ITFG2: variants seen among roughly 807,000 people sequenced by gnomAD.
The protein encoded by ITFG2 is integrin alpha FG-GAP repeat containing 2, also known as KICSTOR complex protein ITFG2.
Under a neutral mutation model 54.4 loss-of-function variants are expected in ITFG2, and 36 were observed. The ratio of observed to expected loss-of-function variants is 0.66; its 90% CI spans 0.51 to 0.87. ITFG2 has a LOEUF of 0.87. ITFG2 is among the 40% of genes least tolerant of loss of function. ITFG2 has a pLI of 0.00. For synonymous variants in ITFG2, 211 were observed against 225.4 expected (o/e 0.94, Z 0.57); for missense variants, 524 against 576.7 (o/e 0.91, Z 0.94).
chr12:2,848,657 C>G lies in ITFG2; in HGVS notation n.300+7662C>G, dbSNP rs540382237. On this transcript the variant is annotated intron_variant and non_coding_transcript_variant, in intron 2 of 3. Coordinates refer to the ITFG2 transcript ENST00000537710. ...GACCTGACCTCTCCTCCTCCAAACCCTGCATGGGGCCCTGCAACCAAGCAC... is the reference window on the plus strand; with the variant it reads ...GACCTGACCTCTCCTCCTCCAAACCGTGCATGGGGCCCTGCAACCAAGCAC... Among the ~76,000 whole-genome samples the G allele has an allele frequency of 8.5e-5, 13 of 152,280 alleles. No homozygotes were observed. The South Asian group carries it at 2.7e-3, about 32-fold the overall frequency.
intron 6 of ITFG2, 88 bp downstream of exon 6, chr12:2,820,960 C>A: frequency 7.1e-7 from 1 of 1,409,596 alleles, no homozygotes; most frequent in Non-Finnish European, 9.8e-7. Context: ...AATGGGTCTG[C>A]AGTTGGCAGA....
At chr12:2,815,316 G>A (rs906430045) in intron 1 of ITFG2, among the ~76,000 whole-genome samples, 2 of 152,238 alleles carry the variant, frequency 1.3e-5, no homozygotes, top group Non-Finnish European at 2.9e-5. Context: ...AAAGCAGTTT[G>A]CGGAAGTGGG....
chr12:2,815,803 A>T (rs1025664567), intron 1 of ITFG2, among the ~76,000 whole-genome samples: 2 of 152,078 alleles, frequency 1.3e-5, no homozygotes, highest in African/African-American at 4.8e-5. Flanking sequence ...GCCCCCTAAC[A>T]CACACACCCC....
chr12:2,841,497 G>A (rs570927367), intron 2 of ITFG2, among the ~76,000 whole-genome samples: 1 of 152,158 alleles, frequency 6.6e-6, no homozygotes, highest in Admixed American at 6.6e-5. Context: ...ACCACACCTT[G>A]CATTTACCAC....
At chr12:2,830,599 CCCTT>C in intron 2 of ITFG2, 1 of 1,196,768 alleles carries the variant, frequency 8.4e-7, no homozygotes. Context: ...GAGAGAGGTG[CCCTT>C]TCTCCCTCCC....
chr12:2,812,845 G>C lies in ITFG2; in HGVS notation c.85G>C (p.Asp29His), dbSNP rs987473725. 4 of 1,611,944 alleles carry C rather than the reference G, an allele frequency of 2.5e-6. No homozygotes were observed. The highest frequency in any genetic ancestry group is 3.4e-6 in the Non-Finnish European group (4 of 1,178,702). The change falls in exon 1 of 12, where the codon GAT becomes CAT. Residue 29 changes from aspartate to histidine, a missense_variant. Transcript: ENST00000228799. ...GCACGCAATCTGCCTCGGAGACGTT[G>C]ATAACGATACGGTAGGTGCATGCGC... ...FPHAICLGDV[D>H]NDTLNELVVG...
Position 2,821,714 on chromosome 12 carries a change from A to C in ITFG2, c.870A>C (p.Glu290Asp). Residue 290 changes from glutamate (E) to aspartate (D), a missense_variant, in exon 9 of 12, where the codon GAA becomes GAC. Coordinates refer to ENST00000228799, the MANE Select transcript of ITFG2 (RefSeq NM_018463.4). ...CAGGGACACTGAAGCTCATGGAAGA[A>C]ATGGAAGAAGCAGACAAGCTGCTGT... Reference protein sequence around the residue: ...TLDGTLKLMEEMEEADKLLWS... With the variant: ...TLDGTLKLMEDMEEADKLLWS... 1 of 1,614,122 alleles carries C rather than the reference A, an allele frequency of 6.2e-7. No homozygotes were observed. Among genetic ancestry groups the C allele is most frequent in the Middle Eastern group, 1.6e-4 (1 of 6,062 alleles).
chr12:2,828,364 A>G (rs1256389410), downstream of ITFG2: 2 of 1,613,958 alleles, frequency 1.2e-6, no homozygotes, highest in African/African-American at 1.3e-5. Flanking sequence ...CAGAGATCCG[A>G]TTGTATTGGG....
chr12:2,840,636 CTT>C (rs2153927097), intron 1 of ITFG2, among the ~76,000 whole-genome samples: 1 of 150,818 alleles, frequency 6.6e-6, no homozygotes, highest in South Asian at 2.1e-4. Flanking sequence ...AATACAAAAA[CTT>C]AGCCGGGCGA....
chr12:2,827,514 C>G, downstream of ITFG2: 1 of 1,575,004 alleles, frequency 6.3e-7, no homozygotes, highest in Non-Finnish European at 8.6e-7. The surrounding 1 kb of genome is among the most constrained non-coding windows in gnomAD (Gnocchi z 4.0). Flanking sequence ...AGCAAAGGGA[C>G]AGTTGCCCAT....
chr12:2,835,519 A>T (rs1339659835), upstream of ITFG2: 1 of 152,734 alleles, frequency 6.5e-6, no homozygotes, highest in Admixed American at 6.5e-5. Flanking sequence ...CGCCTAGCAG[A>T]TGTCAGAGTC....
intron 2 of ITFG2, among the ~76,000 whole-genome samples, chr12:2,850,507 G>A (rs895980560): frequency 6.0e-5 from 9 of 150,794 alleles, no homozygotes; most frequent in African/African-American, 2.2e-4. Context: ...GGGGCCCCAG[G>A]TCATGATAAT....
rs775484394 is a variant in ITFG2, at chr12:2,830,782, C to T, written c.*60-52C>T. The T allele has an allele frequency of 1.5e-5, 24 of 1,613,790 alleles. No homozygotes were observed. Among genetic ancestry groups the T allele is most frequent in the Non-Finnish European group, 2.0e-5 (24 of 1,179,912 alleles). ...CTGCTCTCCTGGCCATGAATCAGGT[C>T]CTGCATCCGGGGAGGCTCCCCCTGA... On this transcript the variant is annotated intron_variant and NMD_transcript_variant, in intron 2 of 2. Transcript: ENST00000538822.
chr12:2,851,241 G>A (rs1234665504), intron 2 of ITFG2, among the ~76,000 whole-genome samples: 2 of 152,082 alleles, frequency 1.3e-5, no homozygotes, highest in African/African-American at 4.8e-5. Context: ...GTTGCTCTGG[G>A]TGAGTGAGTG....
chr12:2,817,773 T>C, intron 2 of ITFG2, 136 bp from the exon 3 acceptor site: 1 of 794,044 alleles, frequency 1.3e-6, no homozygotes. Flanking sequence ...ATAAAGACCA[T>C]CACCATGGTT....
chr12:2,830,838 C>G (rs2153926128), exon 3 of ITFG2: 1 of 1,613,704 alleles, frequency 6.2e-7, no homozygotes, highest in Non-Finnish European at 8.5e-7. Flanking sequence ...CACCAGGCGT[C>G]TTTGGATCAC....
Position 2,849,505 on chromosome 12 carries a change from C to A in ITFG2, n.301-8507C>A, listed in dbSNP as rs530630805. ...GAGGCCCTGGGGTTCAAACCTCCCACCAGCGGATATGTGCCGGTACCTGTT... is the reference window on the plus strand; with the variant it reads ...GAGGCCCTGGGGTTCAAACCTCCCAACAGCGGATATGTGCCGGTACCTGTT... On this transcript the variant is annotated intron_variant and non_coding_transcript_variant, in intron 2 of 3. Coordinates refer to the ITFG2 transcript ENST00000537710. 3 of 1,536,104 alleles carry A rather than the reference C, an allele frequency of 2.0e-6. No homozygotes were observed. The South Asian group carries it at 3.6e-5, about 18-fold the overall frequency.
At chr12:2,828,276 C>T (rs536569192), downstream of ITFG2, 520 of 1,462,042 alleles carry the variant, frequency 3.6e-4, 6 homozygotes, top group South Asian at 2.1e-3. Context: ...AGAATATTTT[C>T]ATCACCCCAA....
Position 2,820,106 on chromosome 12 carries a change from C to G in ITFG2, c.427C>G (p.Leu143Val). The change falls in exon 5 of 12, where the codon CTG (leucine) becomes GTG (valine). Residue 143 changes from leucine (L) to valine (V), a missense_variant. Transcript: ENST00000228799. The stretch of plus-strand genomic sequence containing the variant: ...CACAGATGGAGATGGGTGTCGTGAG[C>G]TGGTGGTGGGCTACACAGACCGTGT... ...SDIDGDGCRE[L>V]VVGYTDRVVR... 1.2e-6 allele frequency: 2 copies of G among 1,611,566 alleles called. No homozygotes were observed. Among genetic ancestry groups the G allele is most frequent in the Middle Eastern group, 1.7e-4 (1 of 6,042 alleles).
Sources: allele counts gnomAD v4.1 joint callset (sites outside exome capture counted in the v4.1 genomes callset), GRCh38; gene constraint gnomAD v4.1.1; non-coding constraint Gnocchi (gnomAD v3.1); transcripts MANE v1.5; gene names NCBI Gene and HGNC (gene_info 2026-07-23, HGNC 2026-07-21).